The following CRB1 variants were observed in gnomAD, a reference collection of about 807,000 sequenced individuals.
CRB1 encodes protein crumbs homolog 1.
Under a neutral mutation model 120.0 loss-of-function variants are expected in CRB1, and 83 were observed. The observed-to-expected ratio is 0.69, with a 90% CI of 0.58 to 0.83. The LOEUF is 0.83. Ranked by LOEUF, CRB1 falls within the 40% of genes least tolerant of loss-of-function variation. The pLI, the probability that CRB1 is intolerant of heterozygous loss-of-function variation, is 0.00. For missense variants in CRB1, 1,699 were observed against 1,687.6 expected (o/e 1.01, Z -0.12); for synonymous variants, 625 against 612.5 (o/e 1.02, Z -0.30).
At chr1:197,425,341 G>A (rs1310550354) in intron 6 of CRB1, among the ~76,000 whole-genome samples, 1 of 152,150 alleles carries the variant, frequency 6.6e-6, no homozygotes, top group Admixed American at 6.5e-5. Context: ...AATCAAGTCA[G>A]AGTTCTGAAA....
intron 11 of CRB1, among the ~76,000 whole-genome samples, chr1:197,468,450 AAATG>A (rs1666842114): frequency 6.6e-6 from 1 of 152,032 alleles, no homozygotes; most frequent in Admixed American, 6.6e-5. Context: ...AAGCATGAAA[AAATG>A]AATGAATGAA....
At chr1:197,424,739 A>C (rs1019868329) in intron 6 of CRB1, among the ~76,000 whole-genome samples, 1 of 152,172 alleles carries the variant, frequency 6.6e-6, no homozygotes, top group Non-Finnish European at 1.5e-5. Flanking sequence ...AATCTTATAA[A>C]CGCACATTTA....
At chr1:197,296,454 A>G (rs1656525660) in intron 1 of CRB1, among the ~76,000 whole-genome samples, 1 of 152,124 alleles carries the variant, frequency 6.6e-6, no homozygotes, top group South Asian at 2.1e-4. Flanking sequence ...CAACTAGATC[A>G]CTGAATTTCC....
chr1:197,438,432 C>T, intron 9 of CRB1, 115 bp from the exon 10 acceptor site: 1 of 1,298,928 alleles, frequency 7.7e-7, no homozygotes, highest in Non-Finnish European at 1.1e-6. Flanking sequence ...GTAGCTCCTC[C>T]AGCCTGAGTA....
intron 5 of CRB1, among the ~76,000 whole-genome samples, chr1:197,418,684 A>G (rs929701995): frequency 2.0e-5 from 3 of 152,338 alleles, no homozygotes; most frequent in African/African-American, 7.2e-5. Context: ...ATCAGATTAA[A>G]TGCATTATAT....
chr1:197,222,440 G>A, the CRB1 span: 2 of 768,542 alleles, frequency 2.6e-6, no homozygotes, highest in African/African-American at 3.4e-5. Flanking sequence ...CTACCGTCAT[G>A]GTGATGGTGA....
At chr1:197,353,958 T>C (rs1306150218) in intron 4 of CRB1, among the ~76,000 whole-genome samples, 2 of 146,404 alleles carry the variant, frequency 1.4e-5, no homozygotes, top group African/African-American at 5.1e-5. Context: ...AGTATATAAA[T>C]ACTCTTACAA....
chr1:197,340,151 G>A (rs1166729518), intron 2 of CRB1, among the ~76,000 whole-genome samples: 1 of 152,198 alleles, frequency 6.6e-6, no homozygotes, highest in Admixed American at 6.5e-5. Context: ...TGAGAGCACA[G>A]TGAAGCAGCA....
At chr1:197,378,590 A>T (rs1661771888) in intron 5 of CRB1, among the ~76,000 whole-genome samples, 1 of 152,128 alleles carries the variant, frequency 6.6e-6, no homozygotes, top group Admixed American at 6.5e-5. Flanking sequence ...TAAATTTCAG[A>T]CCTGTTTTTC....
intron 1 of CRB1, among the ~76,000 whole-genome samples, chr1:197,285,405 T>C (rs146412727): frequency 0.012 from 1,850 of 151,910 alleles, 18 homozygotes; most frequent in Non-Finnish European, 0.02. Context: ...AGTAAAATAC[T>C]CCTCTCAGTG....
chr1:197,274,131 C>T (rs1369257652), intron 1 of CRB1, among the ~76,000 whole-genome samples: 3 of 152,074 alleles, frequency 2.0e-5, no homozygotes, highest in Non-Finnish European at 4.4e-5. Flanking sequence ...ATCATTCTAG[C>T]TGTCTCCCCT....
intron 11 of CRB1, among the ~76,000 whole-genome samples, chr1:197,452,737 C>T (rs1456396792): frequency 6.6e-6 from 1 of 152,148 alleles, no homozygotes; most frequent in Non-Finnish European, 1.5e-5. Flanking sequence ...TCTTTAGTAA[C>T]AAACCCTGTA....
chr1:197,268,016 A>C (rs1363834869), upstream of CRB1, among the ~76,000 whole-genome samples: 1 of 152,212 alleles, frequency 6.6e-6, no homozygotes, highest in East Asian at 1.9e-4. Flanking sequence ...TTGCCAGATC[A>C]TAATTGTGTG....
intron 11 of CRB1, among the ~76,000 whole-genome samples, chr1:197,473,459 A>G (rs1000498728): frequency 6.6e-6 from 1 of 152,180 alleles, no homozygotes; most frequent in African/African-American, 2.4e-5. Flanking sequence ...TTTCAGAATA[A>G]ATTCTCTTTG....
chr1:197,443,724 T>C (rs1055376656), intron 11 of CRB1: 1 of 151,822 alleles, frequency 6.6e-6, no homozygotes, highest in Non-Finnish European at 1.5e-5. Flanking sequence ...CCTGAAATAA[T>C]GGATCTATAA....
chr1:197,414,366 A>C (rs1314981643), intron 5 of CRB1, among the ~76,000 whole-genome samples: 1 of 152,110 alleles, frequency 6.6e-6, no homozygotes, highest in Non-Finnish European at 1.5e-5. Context: ...TTATGACAAA[A>C]ATCATCTTCA....
the CRB1 span, among the ~76,000 whole-genome samples, chr1:197,223,762 T>A: frequency 2.0e-5 from 3 of 152,206 alleles, no homozygotes; most frequent in Admixed American, 2.0e-4. Flanking sequence ...TGGATGTGCT[T>A]ATACAGTCAC....
chr1:197,315,190 T>C (rs1657767190), intron 1 of CRB1, among the ~76,000 whole-genome samples: 1 of 152,198 alleles, frequency 6.6e-6, no homozygotes, highest in Non-Finnish European at 1.5e-5. Flanking sequence ...ATTTATTTCC[T>C]ACCTTTTTTT....
chr1:197,230,780 A>G, the CRB1 span, among the ~76,000 whole-genome samples: 1 of 152,312 alleles, frequency 6.6e-6, no homozygotes, highest in East Asian at 1.9e-4. Flanking sequence ...AATTTACCCA[A>G]AGAAAAGGTA....
Sources: gnomAD v4.1 joint callset for allele counts (sites outside exome capture counted in the v4.1 genomes callset) on GRCh38, gnomAD v4.1.1 for gene constraint, MANE v1.5 for transcripts, NCBI Gene and HGNC (gene_info 2026-07-23, HGNC 2026-07-21) for gene names.